Variants in ARL10 observed in about 807,000 individuals in gnomAD.
ARL10 encodes ADP-ribosylation factor-like protein 10.
A neutral mutation model predicts 26.1 loss-of-function variants in ARL10; 23 were observed. The ratio of observed to expected loss-of-function variants is 0.88; its 90% CI spans 0.63 to 1.25. The LOEUF (loss-of-function observed/expected upper bound fraction) is 1.25, where lower values mean the gene tolerates loss of function less well. Among genes scored for constraint, ARL10 ranks in the 50% most tolerant of loss-of-function variants. ARL10 has a pLI of 0.00. For missense variants in ARL10, 300 were observed against 323.6 expected, an observed-to-expected ratio of 0.93 and a Z score of 0.56; for synonymous variants, 138 against 149.1, an observed-to-expected ratio of 0.93 and a Z score of 0.54.
At chr5:176,405,697 C>T (rs1200135703), downstream of ARL10, 5 of 152,024 alleles carry the variant, frequency 3.3e-5, no homozygotes, top group East Asian at 7.7e-4. Flanking sequence ...TACACAGGGG[C>T]GTGGAGGGCA....
At chr5:176,415,027 A>G in the ARL10 span, among the ~76,000 whole-genome samples, 113 of 152,336 alleles carry the variant, frequency 7.4e-4, no homozygotes, top group African/African-American at 2.6e-3. Flanking sequence ...CCTTTCCAAA[A>G]TGACATCAAC....
intron 1 of ARL10, among the ~76,000 whole-genome samples, chr5:176,398,668 C>T (rs1756669039): frequency 6.6e-6 from 1 of 151,964 alleles, no homozygotes; most frequent in South Asian, 2.1e-4. Context: ...GCCGAGATCA[C>T]ACCATTGCAC....
chr5:176,400,695 T>A (rs1372370600), intron 1 of ARL10, among the ~76,000 whole-genome samples: 1 of 152,108 alleles, frequency 6.6e-6, no homozygotes, highest in Non-Finnish European at 1.5e-5. Context: ...CCAGCAATAG[T>A]CTCCCCTCCC....
At chr5:176,407,114 C>G in the ARL10 span, among the ~76,000 whole-genome samples, 1 of 152,116 alleles carries the variant, frequency 6.6e-6, no homozygotes, top group Non-Finnish European at 1.5e-5. Flanking sequence ...AAAGGAGGCC[C>G]CGGGCTCCTC....
exon 2 of ARL10, chr5:176,388,372 C>G (rs892709775): frequency 5.0e-6 from 8 of 1,612,324 alleles, no homozygotes; most frequent in Non-Finnish European, 5.1e-6. Flanking sequence ...ATCGCGGATC[C>G]GTCATCTCGC....
At chr5:176,398,451 C>G (rs972648066) in intron 1 of ARL10, among the ~76,000 whole-genome samples, 2 of 152,152 alleles carry the variant, frequency 1.3e-5, no homozygotes, top group African/African-American at 4.8e-5. Context: ...GTGGCTCACA[C>G]CTGTAATCCC....
intron 3 of ARL10, among the ~76,000 whole-genome samples, chr5:176,371,185 G>A (rs1445163167): frequency 6.6e-6 from 1 of 152,142 alleles, no homozygotes; most frequent in Admixed American, 6.5e-5. Context: ...GACCAGCCTG[G>A]CCAGCACGGC....
downstream of ARL10, chr5:176,384,206 C>T: frequency 6.2e-7 from 1 of 1,614,138 alleles, no homozygotes; most frequent in Non-Finnish European, 8.5e-7. Flanking sequence ...ACGCCTCAGC[C>T]TGGGGCAGCT....
the ARL10 span, among the ~76,000 whole-genome samples, chr5:176,414,772 G>A: frequency 2.0e-5 from 3 of 152,078 alleles, no homozygotes; most frequent in African/African-American, 4.8e-5. Flanking sequence ...CTGGGCCACC[G>A]GTTTCTTGCA....
chr5:176,392,739 A>T, downstream of ARL10: 1 of 1,609,542 alleles, frequency 6.2e-7, no homozygotes. This position sits in a 1 kb window ranked among gnomAD's most constrained non-coding sequence, Gnocchi z 5.2. Flanking sequence ...GCCCAGGCCC[A>T]GCCCATGCTC....
intron 2 of ARL10, among the ~76,000 whole-genome samples, chr5:176,367,361 G>T (rs1224260500): frequency 6.6e-6 from 1 of 152,046 alleles, no homozygotes; most frequent in African/African-American, 2.4e-5. Flanking sequence ...GGCTGGAATG[G>T]CAGTGGGCAG....
At position 176,366,549 on chromosome 5, in the gene ARL10, C is replaced by A; in HGVS notation, c.353C>A (p.Pro118His). ...PTWGFNSVRLPTKDFEVDLLE... is the reference protein window; with the variant it reads ...PTWGFNSVRLHTKDFEVDLLE... ...TGGGGCTTCAACTCCGTGCGTCTGC[C>A]CACCAAGGACTTTGAGGTGGACCTG... is the stretch of plus-strand genomic sequence containing the variant. The change falls in exon 2 of 4, where the codon CCC becomes CAC. Residue 118 changes from proline (P) to histidine (H), a missense_variant. Pro to His is a moderately conservative substitution (Grantham distance 77). Coordinates refer to ENST00000310389, the MANE Select transcript of ARL10 (RefSeq NM_173664.6). The A allele has an allele frequency of 6.2e-7, 1 of 1,614,146 alleles. No individual in the cohort carries two copies. Among genetic ancestry groups the A allele is most frequent in the East Asian group, 2.2e-5 (1 of 44,888 alleles).
rs1768652907 is a variant in ARL10 at position 176,375,147 on chromosome 5, CCCACCCACCCATCCA to C, written c.*3253_*3267del. The C allele has an allele frequency of 1.2e-5, 1 of 83,002 alleles. No individual in the cohort carries two copies. The highest frequency in any genetic ancestry group is 2.5e-5 in the Non-Finnish European group (1 of 40,786). The allele number at this position is 83,002 out of a possible 1,614,324, so 5.1% of individuals were successfully genotyped here. ...ACCCGTCCACCCGTCCACCCATCCA[CCCACCCACCCATCCA>C]TCCACCCACCCACCCACCCATCCAC... On this transcript the variant is annotated 3_prime_UTR_variant, in exon 4 of 4. Transcript: ENST00000310389.
At chr5:176,407,611 A>G in the ARL10 span, 1 of 152,266 alleles carries the variant, frequency 6.6e-6, no homozygotes, top group Admixed American at 6.6e-5. Flanking sequence ...CATGTTCTAC[A>G]TACTTCTGTG....
chr5:176,371,122 C>T (rs1324112636), intron 3 of ARL10, among the ~76,000 whole-genome samples: 2 of 152,202 alleles, frequency 1.3e-5, no homozygotes, highest in African/African-American at 4.8e-5. Context: ...TGCCTGTAAT[C>T]CCAGCACTTT....
chr5:176,395,697 A>G (rs1273297281), intron 1 of ARL10, among the ~76,000 whole-genome samples: 2 of 152,062 alleles, frequency 1.3e-5, no homozygotes, highest in Non-Finnish European at 2.9e-5. Flanking sequence ...GAAACATGTG[A>G]GGGGGCCTGT....
At position 176,365,704 on chromosome 5, in the gene ARL10, G is replaced by A; in HGVS notation, c.141G>A (p.Trp47Ter). 8.1e-7 allele frequency: 1 copy of A among 1,240,158 alleles called. No homozygotes were observed. The highest frequency in any genetic ancestry group is 1.0e-6 in the Non-Finnish European group (1 of 990,482). 76.8% of individuals were successfully genotyped at this position (1,240,158 alleles called of 1,614,324 possible). Residue 47 changes from tryptophan (W) to a stop codon, truncating the protein, a stop_gained, in exon 1 of 4, where the codon TGG (tryptophan) becomes TGA (stop). Coordinates refer to ENST00000310389, the MANE Select transcript of ARL10 (RefSeq NM_173664.6). LOFTEE classifies it high-confidence loss of function. ...GCTGGGACCGGGGAGAGGCCTGGTG[G>A]GGCGCGGAGGCTGCCCGCCTCCCCG... ...ERRWDRGEAW[W>*]GAEAARLPEW... is the part of the protein sequence containing the mutation.
chr5:176,401,398 C>T (rs1022608422), intron 1 of ARL10, among the ~76,000 whole-genome samples: 7 of 152,248 alleles, frequency 4.6e-5, no homozygotes, highest in African/African-American at 1.7e-4. Context: ...CCAATCCCCA[C>T]TCCTTGAGCA....
intron 3 of ARL10, among the ~76,000 whole-genome samples, chr5:176,371,152 A>G (rs1768516010): frequency 6.6e-6 from 1 of 152,184 alleles, no homozygotes; most frequent in Non-Finnish European, 1.5e-5. Flanking sequence ...AGGCAGGTGG[A>G]TCACCTGAGG....
Sources: gnomAD v4.1 joint callset for allele counts (sites outside exome capture counted in the v4.1 genomes callset) on GRCh38, gnomAD v4.1.1 for gene constraint, Gnocchi (gnomAD v3.1) non-coding constraint, MANE v1.5 for transcripts, NCBI Gene and HGNC (gene_info 2026-07-23, HGNC 2026-07-21) for gene names.